The following PIP4K2A variants were observed in gnomAD, a reference collection of about 807,000 sequenced individuals.
The protein encoded by PIP4K2A is phosphatidylinositol-5-phosphate 4-kinase type 2 alpha.
Under a neutral mutation model 42.9 loss-of-function variants are expected in PIP4K2A, and 14 were observed. The observed-to-expected ratio is 0.33, with a 90% confidence interval of 0.22 to 0.51. The LOEUF (loss-of-function observed/expected upper bound fraction) is 0.51, where lower values mean the gene tolerates loss of function less well. PIP4K2A is among the 20% of genes least tolerant of loss of function. The pLI is 0.97. For missense variants in PIP4K2A, 434 were observed against 519.8 expected, an observed-to-expected ratio of 0.83 and a Z score of 1.61; for synonymous variants, 192 against 192.2, an observed-to-expected ratio of 1.00 and a Z score of 0.01.
intron 1 of PIP4K2A, among the ~76,000 whole-genome samples, chr10:22,704,828 G>A (rs1833788302): frequency 6.6e-6 from 1 of 152,260 alleles, no homozygotes; most frequent in East Asian, 1.9e-4. Context: ...GTCTATATCT[G>A]CACTGTTCAA....
intron 1 of PIP4K2A, among the ~76,000 whole-genome samples, chr10:22,656,635 T>C (rs748233196): frequency 1.3e-5 from 2 of 151,922 alleles, no homozygotes; most frequent in Non-Finnish European, 2.9e-5. Context: ...CCATCTCTAC[T>C]AAAAGTAAAA....
intron 1 of PIP4K2A, chr10:22,691,732 G>A (rs1292173709): frequency 1.3e-5 from 2 of 152,216 alleles, no homozygotes; most frequent in South Asian, 2.1e-4. Flanking sequence ...GACCCATAAA[G>A]GTTTGAGTAA....
At chr10:22,686,737 T>C (rs372001313) in intron 1 of PIP4K2A, among the ~76,000 whole-genome samples, 1 of 152,194 alleles carries the variant, frequency 6.6e-6, no homozygotes, top group Admixed American at 6.5e-5. Flanking sequence ...CCCAAAGGAA[T>C]GGGATTATAG....
rs758795926 is a variant in PIP4K2A at position 22,537,192 on chromosome 10, C to T, written c.*9G>A. On this transcript the variant is annotated 3_prime_UTR_variant, in exon 10 of 10. Transcript: ENST00000376573. ...CAATGTTCATGTCTGTCCGAGGCTG[C>T]GCAGGAGGTTACGTCAAGATGTGGC... is the stretch of plus-strand genomic sequence containing the variant. 1.4e-5 allele frequency: 22 copies of T among 1,593,778 alleles called. 1 individual carries two copies. The highest frequency in any genetic ancestry group is 1.0e-4 in the South Asian group (9 of 88,582).
At chr10:22,607,474 A>G (rs1837929777) in intron 3 of PIP4K2A, among the ~76,000 whole-genome samples, 1 of 152,262 alleles carries the variant, frequency 6.6e-6, no homozygotes, top group East Asian at 1.9e-4. Context: ...TTTGACAAAA[A>G]TGCTGCAGCA....
intron 4 of PIP4K2A, among the ~76,000 whole-genome samples, chr10:22,578,372 G>A (rs941451235): frequency 4.6e-5 from 7 of 152,148 alleles, no homozygotes; most frequent in Non-Finnish European, 7.3e-5. Flanking sequence ...TTCCCCCTGA[G>A]ATCTCAATGA....
intron 8 of PIP4K2A, 106 bp from the exon 9 acceptor site, chr10:22,540,180 T>A (rs1228731355): frequency 1.4e-6 from 1 of 737,288 alleles, no homozygotes; most frequent in Non-Finnish European, 2.5e-6. Context: ...GGGAGGGGAT[T>A]CAATGGAACG....
intron 1 of PIP4K2A, among the ~76,000 whole-genome samples, chr10:22,677,327 C>G (rs894749796): frequency 6.6e-5 from 10 of 152,282 alleles, no homozygotes; most frequent in African/African-American, 2.2e-4. Flanking sequence ...AATAATTAAA[C>G]AGTGGCACTT....
chr10:22,591,815 G>C, intron 3 of PIP4K2A, 34 bp from the exon 4 acceptor site: 1 of 1,568,522 alleles, frequency 6.4e-7, no homozygotes, highest in South Asian at 1.2e-5. Context: ...AAGGAAGGCG[G>C]GGGAAGATAA....
At chr10:22,669,310 G>T (rs1027005049) in intron 1 of PIP4K2A, among the ~76,000 whole-genome samples, 3 of 152,160 alleles carry the variant, frequency 2.0e-5, no homozygotes, top group Non-Finnish European at 4.4e-5. Flanking sequence ...ACACGACGGT[G>T]GTGCCATAAG....
At chr10:22,674,666 G>A (rs1002206147) in intron 1 of PIP4K2A, among the ~76,000 whole-genome samples, 3 of 151,942 alleles carry the variant, frequency 2.0e-5, no homozygotes, top group Non-Finnish European at 4.4e-5. Flanking sequence ...TTCCAGCCAG[G>A]CACAGTGATT....
intron 7 of PIP4K2A, among the ~76,000 whole-genome samples, chr10:22,544,046 T>C (rs887143670): frequency 3.3e-5 from 5 of 152,180 alleles, no homozygotes; most frequent in Non-Finnish European, 7.4e-5. Context: ...CTCTGGAGGC[T>C]GCCTTAAAGC....
At chr10:22,569,072 T>G in intron 5 of PIP4K2A, 1 of 1,528,160 alleles carries the variant, frequency 6.5e-7, no homozygotes. Context: ...GAAATCAAAA[T>G]TTTTGATTAC....
chr10:22,541,780 A>G (rs774078450), intron 8 of PIP4K2A, 24 bp downstream of exon 8: 29 of 1,505,800 alleles, frequency 1.9e-5, no homozygotes, highest in Non-Finnish European at 2.6e-5. Flanking sequence ...ACATGCAAAA[A>G]GGGTCCACAG....
chr10:22,585,464 T>C (rs1458967434), intron 4 of PIP4K2A, among the ~76,000 whole-genome samples: 1 of 152,194 alleles, frequency 6.6e-6, no homozygotes, highest in East Asian at 1.9e-4. Flanking sequence ...GAAAGTAAAT[T>C]AAAATGCTGC....
In PIP4K2A at chr10:22,537,134, A is replaced by G; in HGVS notation, c.*67T>C. 1.6e-6 allele frequency: 2 copies of G among 1,275,684 alleles called. No homozygotes were observed. The highest frequency in any genetic ancestry group is 2.5e-5 in the East Asian group (1 of 39,754). 79.0% of individuals were successfully genotyped at this position (1,275,684 alleles called of 1,614,324 possible). On this transcript the variant is annotated 3_prime_UTR_variant, in exon 10 of 10. Transcript: ENST00000376573. The stretch of plus-strand genomic sequence containing the variant: ...GAGTACTTCACTGAGTTTGGTTTTC[A>G]TTTTTCCTACACCGAAGCCACCTCT...
At chr10:22,617,917 T>A (rs149448294) in intron 1 of PIP4K2A, among the ~76,000 whole-genome samples, 305 of 152,300 alleles carry the variant, frequency 2.0e-3, no homozygotes, top group Middle Eastern at 6.8e-3. Context: ...TTTTAAAACA[T>A]AATTCAATAA....
In PIP4K2A at chr10:22,550,755, A is replaced by C. The variant is rs2130759913; in HGVS notation, c.696T>G (p.Thr232=). The part of the protein sequence containing the change: ...SDKEKAKELP[T]LKDNDFINEG... The stretch of plus-strand genomic sequence containing the variant: ...CATTAATGAAATCATTATCTTTCAG[A>C]GTTGGCAGTTCTTTGGCCTAAAACA... The change falls in exon 7 of 10, where the codon ACT becomes ACG. Residue 232 remains threonine, a synonymous_variant. Coordinates refer to ENST00000376573, the MANE Select transcript of PIP4K2A (RefSeq NM_005028.5). 1.2e-6 allele frequency: 2 copies of C among 1,601,148 alleles called. No homozygotes were observed. The highest frequency in any genetic ancestry group is 3.3e-5 in the Admixed American group (2 of 59,998).
intron 3 of PIP4K2A, among the ~76,000 whole-genome samples, chr10:22,605,934 C>T (rs901837343): frequency 6.6e-6 from 1 of 151,582 alleles, no homozygotes; most frequent in Admixed American, 6.6e-5. Context: ...TTAATTTTAA[C>T]TTCAGAGAAA....
Sources: allele counts gnomAD v4.1 joint callset (sites outside exome capture counted in the v4.1 genomes callset), GRCh38; gene constraint gnomAD v4.1.1; transcripts MANE v1.5; gene names NCBI Gene and HGNC (gene_info 2026-07-23, HGNC 2026-07-21).